OXR1: variants seen among roughly 807,000 people sequenced by gnomAD.
The protein encoded by OXR1 is oxidation resistance protein 1.
A neutral mutation model predicts 104.6 loss-of-function variants in OXR1; 41 were observed. The observed-to-expected ratio is 0.39, with a 90% CI of 0.31 to 0.51. OXR1 has a LOEUF of 0.51. OXR1 is among the 20% of genes least tolerant of loss of function. The pLI is 0.77. For missense variants in OXR1, 955 were observed against 1,031.9 expected (o/e 0.93, Z 1.02); for synonymous variants, 348 against 348.4 (o/e 1.00, Z 0.01).
chr8:106,444,068 A>G (rs980470093), intron 2 of OXR1, among the ~76,000 whole-genome samples: 6 of 152,190 alleles, frequency 3.9e-5, no homozygotes, highest in African/African-American at 1.2e-4. Context: ...AGACATTTAC[A>G]TGGTCAACAA....
intron 11 of OXR1, among the ~76,000 whole-genome samples, chr8:106,731,665 G>T (rs565095993): frequency 6.6e-6 from 1 of 152,190 alleles, no homozygotes; most frequent in Admixed American, 6.5e-5. Context: ...CCTCTGAATT[G>T]TCTTTACTCC....
chr8:106,727,877 A>G (rs1833501973), intron 11 of OXR1, among the ~76,000 whole-genome samples: 1 of 152,188 alleles, frequency 6.6e-6, no homozygotes, highest in African/African-American at 2.4e-5. Flanking sequence ...TAGTAGAATT[A>G]TTTCCCATTT....
chr8:106,635,573 T>C (rs924434819), intron 3 of OXR1, among the ~76,000 whole-genome samples: 7 of 152,108 alleles, frequency 4.6e-5, no homozygotes, highest in Non-Finnish European at 1.0e-4. Context: ...GACTCCCAAG[T>C]AGCTGGGATT....
At chr8:106,297,242 T>C (rs1813035571) in intron 1 of OXR1, among the ~76,000 whole-genome samples, 1 of 152,178 alleles carries the variant, frequency 6.6e-6, no homozygotes, top group African/African-American at 2.4e-5. Context: ...TTATTTTACT[T>C]TGTCTTTGAT....
intron 3 of OXR1, among the ~76,000 whole-genome samples, chr8:106,547,881 C>T (rs1360664722): frequency 6.6e-6 from 1 of 152,170 alleles, no homozygotes; most frequent in Non-Finnish European, 1.5e-5. Context: ...TGTCAATGGA[C>T]ACATGGGTTA....
intron 3 of OXR1, among the ~76,000 whole-genome samples, chr8:106,579,547 G>C (rs1031939699): frequency 6.6e-6 from 1 of 152,222 alleles, no homozygotes; most frequent in African/African-American, 2.4e-5. Flanking sequence ...GACTGAGCTT[G>C]CTGGCTCTGG....
chr8:106,275,047 T>C (rs1395572629), intron 1 of OXR1, among the ~76,000 whole-genome samples: 1 of 152,254 alleles, frequency 6.6e-6, no homozygotes, highest in Non-Finnish European at 1.5e-5. Flanking sequence ...TAAAAGTATC[T>C]GTACAAAGAA....
chr8:106,285,418 A>G (rs1012400192), intron 1 of OXR1, among the ~76,000 whole-genome samples: 1 of 152,122 alleles, frequency 6.6e-6, no homozygotes, highest in African/African-American at 2.4e-5. Flanking sequence ...CCAGCTCATT[A>G]TATTATTCTC....
At chr8:106,618,184 G>A (rs1337138242) in intron 3 of OXR1, 1 of 1,534,928 alleles carries the variant, frequency 6.5e-7, no homozygotes, top group Non-Finnish European at 8.7e-7. Flanking sequence ...CAGCGCAAAG[G>A]TATGTGTAAG....
intron 2 of OXR1, among the ~76,000 whole-genome samples, chr8:106,377,061 A>G (rs1263723944): frequency 6.6e-6 from 1 of 152,214 alleles, no homozygotes; most frequent in African/African-American, 2.4e-5. Context: ...TGGAATAATT[A>G]ATATCTATTA....
chr8:106,290,211 C>G (rs931323909), intron 1 of OXR1, among the ~76,000 whole-genome samples: 9 of 152,112 alleles, frequency 5.9e-5, no homozygotes, highest in African/African-American at 2.2e-4. Flanking sequence ...AAAGGACTCC[C>G]TATTCAATAA....
intron 3 of OXR1, among the ~76,000 whole-genome samples, chr8:106,654,283 C>G (rs1247530461): frequency 6.6e-6 from 1 of 152,062 alleles, no homozygotes; most frequent in African/African-American, 2.4e-5. Flanking sequence ...AAGACTCACA[C>G]TTTCCAATTT....
chr8:106,458,493 C>T (rs1820728220), intron 2 of OXR1, among the ~76,000 whole-genome samples: 1 of 152,090 alleles, frequency 6.6e-6, no homozygotes, highest in South Asian at 2.1e-4. Flanking sequence ...GCCTAGTGGC[C>T]CAGGAAGAGA....
At chr8:106,317,978 A>G (rs1161312025) in intron 1 of OXR1, among the ~76,000 whole-genome samples, 1 of 152,188 alleles carries the variant, frequency 6.6e-6, no homozygotes. Flanking sequence ...AAAGAATAGT[A>G]TTGAATGTGA....
At chr8:106,282,219 G>T (rs1812319332) in intron 1 of OXR1, among the ~76,000 whole-genome samples, 1 of 152,136 alleles carries the variant, frequency 6.6e-6, no homozygotes, top group Non-Finnish European at 1.5e-5. Context: ...ATTGGAATTT[G>T]GCATATTCAT....
intron 3 of OXR1, among the ~76,000 whole-genome samples, chr8:106,677,185 A>AATGAGGAGT (rs11268819): frequency 6.6e-6 from 1 of 151,856 alleles, no homozygotes; most frequent in African/African-American, 2.4e-5. Flanking sequence ...TTAAATTGCA[A>AATGAGGAGT]GTTTAATTTG....
intron 2 of OXR1, among the ~76,000 whole-genome samples, chr8:106,392,578 A>T (rs1817626053): frequency 1.3e-5 from 2 of 152,158 alleles, no homozygotes; most frequent in Admixed American, 1.3e-4. Flanking sequence ...ATATGCAGTG[A>T]TGATATTATT....
chr8:106,451,398 A>G (rs1436242747), intron 2 of OXR1, among the ~76,000 whole-genome samples: 2 of 152,216 alleles, frequency 1.3e-5, no homozygotes, highest in African/African-American at 4.8e-5. Context: ...TCTGTAGAAT[A>G]CATTATAGTT....
chr8:106,476,893 T>C (rs1247907710), intron 2 of OXR1, among the ~76,000 whole-genome samples: 1 of 152,006 alleles, frequency 6.6e-6, no homozygotes, highest in Non-Finnish European at 1.5e-5. Context: ...ATGCCTTTCT[T>C]ATAGCAATAT....
Sources: gnomAD v4.1 joint callset for allele counts (sites outside exome capture counted in the v4.1 genomes callset) on GRCh38, gnomAD v4.1.1 for gene constraint, MANE v1.5 for transcripts, NCBI Gene and HGNC (gene_info 2026-07-23, HGNC 2026-07-21) for gene names.